Variants in DGKB observed in about 807,000 individuals in gnomAD.
DGKB encodes the protein 90 kDa diacylglycerol kinase.
DGKB carries 67 observed loss-of-function variants against 114.3 expected under a neutral mutation model. The observed-to-expected ratio is 0.59, with a 90% CI of 0.48 to 0.72. The LOEUF (loss-of-function observed/expected upper bound fraction) is 0.72, where lower values mean the gene tolerates loss of function less well. Among genes scored for constraint, DGKB ranks in the 30% least tolerant of loss-of-function variants. The pLI, the probability that DGKB is intolerant of heterozygous loss-of-function variation, is 0.00. For missense variants in DGKB, 907 were observed against 975.2 expected (o/e 0.93, Z 0.93); for synonymous variants, 398 against 323.1 (o/e 1.23, Z -2.49).
intron 20 of DGKB, among the ~76,000 whole-genome samples, chr7:14,494,986 G>C (rs910247080): frequency 2.6e-5 from 4 of 151,766 alleles, no homozygotes; most frequent in African/African-American, 9.7e-5. Context: ...GAAAGACAAA[G>C]GTTTAATAGG....
chr7:14,363,146 A>G (rs1816051896), intron 21 of DGKB, among the ~76,000 whole-genome samples: 1 of 152,106 alleles, frequency 6.6e-6, no homozygotes, highest in Non-Finnish European at 1.5e-5. Context: ...TACTGTTGCT[A>G]AAAAACTGCC....
At chr7:14,354,388 T>C (rs1814070362) in intron 21 of DGKB, among the ~76,000 whole-genome samples, 1 of 152,140 alleles carries the variant, frequency 6.6e-6, no homozygotes, top group Non-Finnish European at 1.5e-5. Flanking sequence ...CTCCTGACTT[T>C]GGGTATCAGG....
chr7:14,409,401 G>A (rs1024769949), intron 21 of DGKB, among the ~76,000 whole-genome samples: 1 of 151,968 alleles, frequency 6.6e-6, no homozygotes, highest in African/African-American at 2.4e-5. Context: ...GCAGAAAAAT[G>A]TCACGACATT....
At chr7:14,540,137 T>C (rs531964210) in intron 20 of DGKB, among the ~76,000 whole-genome samples, 6 of 152,202 alleles carry the variant, frequency 3.9e-5, no homozygotes, top group African/African-American at 1.4e-4. Flanking sequence ...CCAGAATCAA[T>C]AGTATCATTT....
At chr7:14,594,035 T>C (rs553131904) in intron 17 of DGKB, among the ~76,000 whole-genome samples, 1 of 152,244 alleles carries the variant, frequency 6.6e-6, no homozygotes, top group Non-Finnish European at 1.5e-5. Flanking sequence ...ATTGGAACAC[T>C]CATACTATTC....
At chr7:14,395,889 T>C (rs892211353) in intron 21 of DGKB, among the ~76,000 whole-genome samples, 2 of 152,024 alleles carry the variant, frequency 1.3e-5, no homozygotes, top group Admixed American at 1.3e-4. Flanking sequence ...TTCCCTAAAA[T>C]GATCTAATTA....
At chr7:14,934,761 C>G (rs912565950) in intron 1 of DGKB, among the ~76,000 whole-genome samples, 1 of 152,120 alleles carries the variant, frequency 6.6e-6, no homozygotes, top group African/African-American at 2.4e-5. Flanking sequence ...AAGTCAAATG[C>G]TTACAATAAA....
chr7:14,897,373 T>C (rs217592), intron 1 of DGKB, among the ~76,000 whole-genome samples: 13,967 of 151,964 alleles, frequency 0.092, 954 homozygotes, highest in Middle Eastern at 0.15. Flanking sequence ...CTAGTGGTAG[T>C]GAAGTCTTGA....
chr7:14,444,643 T>TAAGCC (rs1321496922), intron 21 of DGKB, among the ~76,000 whole-genome samples: 2 of 151,878 alleles, frequency 1.3e-5, no homozygotes, highest in African/African-American at 4.8e-5. Flanking sequence ...AAAATTACAC[T>TAAGCC]AAGCCTTTGA....
chr7:14,590,927 G>C (rs1039998482), intron 17 of DGKB, among the ~76,000 whole-genome samples: 13 of 152,084 alleles, frequency 8.5e-5, no homozygotes, highest in Admixed American at 3.3e-4. Flanking sequence ...TGTTCTGGCA[G>C]AATAGTCACA....
intron 1 of DGKB, among the ~76,000 whole-genome samples, chr7:14,957,439 G>C (rs570636157): frequency 1.3e-5 from 2 of 151,982 alleles, no homozygotes; most frequent in South Asian, 4.1e-4. Flanking sequence ...TGATAACTGA[G>C]GTACAAAAGA....
intron 21 of DGKB, among the ~76,000 whole-genome samples, chr7:14,447,687 A>C (rs2128828956): frequency 6.6e-6 from 1 of 152,234 alleles, no homozygotes; most frequent in Non-Finnish European, 1.5e-5. Flanking sequence ...ACAGATGAAA[A>C]TGTTCAAAAC....
At chr7:14,919,062 G>GCACACACA (rs767285844) in intron 1 of DGKB, among the ~76,000 whole-genome samples, 22 of 118,136 alleles carry the variant, frequency 1.9e-4, no homozygotes, top group African/African-American at 5.4e-4. Flanking sequence ...TCCACCACAC[G>GCACACACA]CACACACACA....
At chr7:14,687,716 A>T (rs1821964317) in intron 9 of DGKB, among the ~76,000 whole-genome samples, 1 of 152,208 alleles carries the variant, frequency 6.6e-6, no homozygotes, top group Non-Finnish European at 1.5e-5. Context: ...ACAAAAAGCT[A>T]ATTTTCGTAT....
chr7:14,641,093 G>C (rs1353428205), intron 13 of DGKB, among the ~76,000 whole-genome samples: 1 of 152,100 alleles, frequency 6.6e-6, no homozygotes, highest in African/African-American at 2.4e-5. Flanking sequence ...TGGCAATTTA[G>C]TTTCACCAGT....
At chr7:14,603,817 A>C in intron 17 of DGKB, among the ~76,000 whole-genome samples, 1 of 152,110 alleles carries the variant, frequency 6.6e-6, no homozygotes, top group East Asian at 1.9e-4. Context: ...CAATTCATTA[A>C]GTGCTTCCTA....
chr7:14,209,105 G>A (rs1187554512), intron 23 of DGKB: 1 of 186,516 alleles, frequency 5.4e-6, no homozygotes, highest in Non-Finnish European at 1.1e-5. Context: ...TAGATGCTGA[G>A]TGGGAAACAA....
chr7:14,671,795 C>A (rs146300511), intron 13 of DGKB, among the ~76,000 whole-genome samples: 1 of 151,866 alleles, frequency 6.6e-6, no homozygotes, highest in African/African-American at 2.4e-5. Context: ...ATAAATAATA[C>A]AAAAATTCTA....
intron 23 of DGKB, among the ~76,000 whole-genome samples, chr7:14,182,485 T>C (rs1289158377): frequency 2.0e-5 from 3 of 152,120 alleles, no homozygotes; most frequent in Non-Finnish European, 2.9e-5. Context: ...TTTAAAACAT[T>C]ATGTCTGAGA....
Sources: gnomAD v4.1 joint callset for allele counts (sites outside exome capture counted in the v4.1 genomes callset) on GRCh38, gnomAD v4.1.1 for gene constraint, MANE v1.5 for transcripts, NCBI Gene and HGNC (gene_info 2026-07-23, HGNC 2026-07-21) for gene names.